The following APBA3 variants were observed in gnomAD, a reference collection of about 807,000 sequenced individuals.
APBA3 encodes amyloid beta precursor protein binding family A member 3, also known as amyloid-beta A4 precursor protein-binding family A member 3.
APBA3 carries 45 observed loss-of-function variants against 55.9 expected under a neutral mutation model. The ratio of observed to expected loss-of-function variants is 0.80; its 90% CI spans 0.63 to 1.03. The LOEUF is 1.03. Ranked by LOEUF, APBA3 falls within the 50% of genes least tolerant of loss-of-function variation. APBA3 has a pLI of 0.00. For synonymous variants in APBA3, 370 were observed against 353.3 expected (o/e 1.05, Z -0.53); for missense variants, 865 against 820.3 (o/e 1.05, Z -0.67).
Position 3,760,072 on chromosome 19 carries a change from C to G in APBA3, c.193G>C (p.Glu65Gln), listed in dbSNP as rs2037126190. 6.2e-7 allele frequency: 1 copy of G among 1,613,254 alleles called. No homozygotes were observed. Among genetic ancestry groups the G allele is most frequent in the Admixed American group, 1.7e-5 (1 of 60,006 alleles). The change falls in exon 2 of 11, where the codon GAA becomes CAA. Residue 65 changes from glutamate to glutamine, a missense_variant. By Grantham distance (29) the Glu-to-Gln change is conservative. Transcript: ENST00000316757. ...CCCACCAGATCGCCTGGCAGAGCTT[C>G]AAACTGCTGCACCAGCTCCTGAAGG... ...SSLQELVQQF[E>Q]ALPGDLVGPS...
chr19:3,753,446 C>G, intron 6 of APBA3: 1 of 363,534 alleles, frequency 2.8e-6, no homozygotes, highest in Non-Finnish European at 5.0e-6. Flanking sequence ...AGTTTGAGAC[C>G]GTGTTCACCT....
At chr19:3,753,127 G>T (rs747084731) in intron 6 of APBA3, 137 bp from the exon 7 acceptor site, 8 of 1,000,210 alleles carry the variant, frequency 8.0e-6, no homozygotes, top group Non-Finnish European at 1.0e-5. Flanking sequence ...TCTGCCCTGG[G>T]GCTTTGGGGG....
intron 3 of APBA3, chr19:3,754,873 G>C (rs1172874741): frequency 6.6e-6 from 1 of 152,634 alleles, no homozygotes; most frequent in East Asian, 1.9e-4. Context: ...CGCCACGTTG[G>C]CCAGGCTGGT....
intron 1 of APBA3, among the ~76,000 whole-genome samples, chr19:3,760,577 G>A (rs528310972): frequency 2.9e-5 from 4 of 139,096 alleles, no homozygotes; most frequent in Admixed American, 1.5e-4. Context: ...GTGAAATTCC[G>A]TCTCTACTAA....
At chr19:3,761,118 T>C (rs2037141652) in intron 1 of APBA3, among the ~76,000 whole-genome samples, 1 of 152,058 alleles carries the variant, frequency 6.6e-6, no homozygotes, top group South Asian at 2.1e-4. Context: ...CCCGAGCCCC[T>C]GTGTCATCCC....
rs904992368 is a variant in APBA3, at chr19:3,752,409, C to A, written c.1395+99G>T. 16 of 1,174,972 alleles carry A rather than the reference C, an allele frequency of 1.4e-5. No individual in the cohort carries two copies. The African/African-American group carries it at 2.5e-4, about 18-fold the overall frequency. The allele number at this position is 1,174,972 out of a possible 1,614,324, so 72.8% of individuals were successfully genotyped here. On this transcript the variant is annotated intron_variant, in intron 8 of 10. Transcript: ENST00000316757. The stretch of plus-strand genomic sequence containing the variant: ...GACTTAAAAGTTCGACTTTGTCCCT[C>A]CTGGCTGGGCTGGAGAGACCTGGCC...
Position 3,753,785 on chromosome 19 carries a change from G to C in APBA3, c.991C>G (p.His331Asp). 1 of 1,563,806 alleles carries C rather than the reference G, an allele frequency of 6.4e-7. No individual in the cohort carries two copies. The highest frequency in any genetic ancestry group is 8.6e-7 in the Non-Finnish European group (1 of 1,156,476). Residue 331 changes from histidine (H) to aspartate (D), a missense_variant, in exon 6 of 11, where the codon CAC becomes GAC. His to Asp is a moderately conservative substitution (Grantham distance 81). Transcript: ENST00000316757. ...HGRRLYKMLC[H>D]VFYAEDAQLI... ...CTCACGTCCTCCGCGTAGAATACGT[G>C]GCAGAGCATCTTGTAGAGGCGGCGG...
chr19:3,754,457 CTCTCCAGCCAGGAAGCACAGCCCACTGT>C lies in APBA3; in HGVS notation c.617-145_617-118del. On this transcript the variant is annotated intron_variant, in intron 3 of 10. Transcript: ENST00000316757. ...CAGTGTTCTAGCTGGTGGCTTAGCA[CTCTCCAGCCAGGAAGCACAGCCCACTGT>C]TCTAGAACCATCCAAGCAGCCTGGC... 7.3e-6 allele frequency: 10 copies of C among 1,373,962 alleles called. No homozygotes were observed. In the South Asian group the frequency reaches 1.4e-4, roughly 19 times the overall value. The allele number at this position is 1,373,962 out of a possible 1,614,324, so 85.1% of individuals were successfully genotyped here.
At chr19:3,753,170 A>C in intron 6 of APBA3, 180 bp from the exon 7 acceptor site, 5 of 688,050 alleles carry the variant, frequency 7.3e-6, no homozygotes, top group East Asian at 2.8e-5. Flanking sequence ...TGGGGAATCT[A>C]CGGGGAGAAG....
chr19:3,752,220 A>ACC (rs556484961), intron 8 of APBA3, among the ~76,000 whole-genome samples: 2 of 150,812 alleles, frequency 1.3e-5, no homozygotes, highest in African/African-American at 4.9e-5. Flanking sequence ...AAACAAACAA[A>ACC]CCCCCCCAGA....
chr19:3,757,595 G>A lies in APBA3; in HGVS notation c.616+1966C>T, dbSNP rs369949280. On this transcript the variant is annotated intron_variant, in intron 3 of 10. Transcript: ENST00000316757. ...AAAAATATAAAAATTAGCTGGGCACGGTGGCGGACGCTTGTAATCTCAGCT... is the reference window on the plus strand; with the variant it reads ...AAAAATATAAAAATTAGCTGGGCACAGTGGCGGACGCTTGTAATCTCAGCT... Among the ~76,000 whole-genome samples, 32 of 152,282 alleles carry A rather than the reference G, an allele frequency of 2.1e-4. 1 individual carries two copies. In the East Asian group the frequency reaches 4.4e-3, roughly 21 times the overall value.
chr19:3,751,015 G>A lies in APBA3; in HGVS notation c.*11C>T, dbSNP rs200446290. 6.8e-5 allele frequency: 106 copies of A among 1,556,620 alleles called. No individual in the cohort carries two copies. The highest frequency in any genetic ancestry group is 8.5e-5 in the Non-Finnish European group (98 of 1,149,742). ...AGGCGAAGGCACAGTGGCAGGCAAGGGATGAGGTGGTCACAGGTACACGGG... is the reference window on the plus strand; with the variant it reads ...AGGCGAAGGCACAGTGGCAGGCAAGAGATGAGGTGGTCACAGGTACACGGG... On this transcript the variant is annotated 3_prime_UTR_variant, in exon 11 of 11. Coordinates refer to ENST00000316757, the MANE Select transcript of APBA3 (RefSeq NM_004886.4).
intron 6 of APBA3, 152 bp downstream of exon 6, chr19:3,753,613 T>A: frequency 1.3e-6 from 1 of 797,578 alleles, no homozygotes; most frequent in Non-Finnish European, 1.9e-6. Context: ...GCCACTGCAC[T>A]CCAGCCTGGG....
chr19:3,759,566 TG>T lies in APBA3; in HGVS notation c.610del (p.Gln204ArgfsTer60). The T allele has an allele frequency of 6.3e-7, 1 of 1,598,386 alleles. No homozygotes were observed. The highest frequency in any genetic ancestry group is 8.5e-7 in the Non-Finnish European group (1 of 1,174,212). The stretch of plus-strand genomic sequence containing the variant: ...AGGGTGGGCGGGACACTCACCCTCC[TG>T]GGGGGCAGGGTAGGAAGCCAGGGTC... Reference protein sequence around the residue: ...PETLASYPAPQEVPGPCDHED... With the variant: ...PETLASYPAPXEVPGPCDHED... On this transcript the variant is annotated frameshift_variant, in exon 3 of 11. Coordinates refer to ENST00000316757, the MANE Select transcript of APBA3 (RefSeq NM_004886.4). LOFTEE classifies it high-confidence loss of function.
intron 5 of APBA3, 43 bp from the exon 6 acceptor site, chr19:3,753,969 C>G (rs778801082): frequency 6.4e-7 from 1 of 1,572,576 alleles, no homozygotes; most frequent in Non-Finnish European, 8.6e-7. Flanking sequence ...GGGGCCGTGC[C>G]AGGCTCGATC....
In APBA3 at chr19:3,760,239, G is replaced by A. The variant is rs1367387513; in HGVS notation, c.26C>T (p.Ser9Phe). 1 of 1,604,294 alleles carries A rather than the reference G, an allele frequency of 6.2e-7. No homozygotes were observed. The highest frequency in any genetic ancestry group is 8.5e-7 in the Non-Finnish European group (1 of 1,178,904). The change falls in exon 2 of 11, where the codon TCC becomes TTC. Residue 9 changes from serine (S) to phenylalanine (F), a missense_variant. By Grantham distance (155) the Ser-to-Phe change is radical. Coordinates refer to ENST00000316757, the MANE Select transcript of APBA3 (RefSeq NM_004886.4). The part of the protein sequence containing the change: MDFPTISR[S>F]PSGPPAMDLE... Reference sequence around the variant, plus strand: ...GTCCATGGCTGGAGGCCCCGAAGGGGATCGGGAAATTGTGGGGAAGTCCAT... The same window carrying A: ...GTCCATGGCTGGAGGCCCCGAAGGGAATCGGGAAATTGTGGGGAAGTCCAT...
intron 6 of APBA3, chr19:3,753,550 G>A (rs1306168720): frequency 3.8e-6 from 2 of 525,352 alleles, no homozygotes; most frequent in Non-Finnish European, 6.6e-6. Flanking sequence ...AGAGGCTGAA[G>A]TGGGAGGATC....
At chr19:3,760,681 G>A (rs1471211125) in intron 1 of APBA3, among the ~76,000 whole-genome samples, 2 of 151,784 alleles carry the variant, frequency 1.3e-5, no homozygotes, top group Non-Finnish European at 2.9e-5. Flanking sequence ...CCCGGGAGGC[G>A]GAGGTTGCAG....
rs527734347 is a variant in APBA3, at chr19:3,758,563, A to G, written c.616+998T>C. Reference sequence around the variant, plus strand: ...TGTGAGCCACCATATCCAGCCTAGCATATCATTTTCACATGTCAAGAAATA... The same window carrying G: ...TGTGAGCCACCATATCCAGCCTAGCGTATCATTTTCACATGTCAAGAAATA... On this transcript the variant is annotated intron_variant, in intron 3 of 10. Transcript: ENST00000316757. 1.9e-4 allele frequency among the ~76,000 whole-genome samples: 29 copies of G among 152,270 alleles called. 1 individual carries two copies. The highest frequency in any genetic ancestry group is 6.7e-4 in the African/African-American group (28 of 41,564).
Sources: allele counts gnomAD v4.1 joint callset (sites outside exome capture counted in the v4.1 genomes callset), GRCh38; gene constraint gnomAD v4.1.1; transcripts MANE v1.5; gene names NCBI Gene and HGNC (gene_info 2026-07-23, HGNC 2026-07-21).